PLB1: variants seen among roughly 807,000 people sequenced by gnomAD.
PLB1 encodes phospholipase B1, membrane-associated.
In PLB1, 242 loss-of-function variants were observed where a neutral mutation model predicts 227.4. That is an observed-to-expected ratio of 1.06 (90% confidence interval 0.96 to 1.18). The LOEUF (loss-of-function observed/expected upper bound fraction) is 1.18, where lower values mean the gene tolerates loss of function less well. Ranked by LOEUF, PLB1 falls within the 50% of genes most tolerant of loss-of-function variation. The pLI, the probability that PLB1 is intolerant of heterozygous loss-of-function variation, is 0.00. For synonymous variants in PLB1, 757 were observed against 682.2 expected (o/e 1.11, Z -1.71); for missense variants, 1,858 against 1,816.3 (o/e 1.02, Z -0.42).
Position 28,505,618 on chromosome 2 carries a change from G to A in PLB1, c.55+9449G>A, listed in dbSNP as rs201329430. 2.0e-5 allele frequency among the ~76,000 whole-genome samples: 3 copies of A among 152,238 alleles called. No homozygotes were observed. In the East Asian group the frequency reaches 5.8e-4, roughly 29 times the overall value. Reference sequence around the variant, plus strand: ...TGGGTGAACTCATTGAGTGAGAAAAGGATACCTTTTCATTACTAAAACAAG... The same window carrying A: ...TGGGTGAACTCATTGAGTGAGAAAAAGATACCTTTTCATTACTAAAACAAG... On this transcript the variant is annotated intron_variant, in intron 1 of 57. Transcript: ENST00000327757.
At chr2:28,639,713 G>A (rs2148352640) in intron 56 of PLB1, among the ~76,000 whole-genome samples, 1 of 152,338 alleles carries the variant, frequency 6.6e-6, no homozygotes, top group South Asian at 2.1e-4. Flanking sequence ...CAGCCGCGCT[G>A]ACCTTTAGCA....
chr2:28,601,188 C>G, intron 36 of PLB1, 64 bp from the exon 37 acceptor site: 1 of 1,372,958 alleles, frequency 7.3e-7, no homozygotes. Flanking sequence ...AATGGATTTC[C>G]TAGGGCAGGG....
chr2:28,564,742 G>C (rs571069636), intron 18 of PLB1, among the ~76,000 whole-genome samples: 14 of 152,298 alleles, frequency 9.2e-5, no homozygotes, highest in African/African-American at 3.4e-4. Flanking sequence ...GTCTCAGCAT[G>C]CCCTTCAAAA....
At position 28,589,760 on chromosome 2, in the gene PLB1, G is replaced by A. The variant is rs1378431554; in HGVS notation, c.2006G>A (p.Trp669Ter). ...KSHSRAASAL[W>*]NNMLEPVGQK... ...CACTCCCGAGCAGCCAGTGCTCTCT[G>A]GAACAATATGGTAAGTGGCTGCGGT... The change falls in exon 28 of 58, where the codon TGG becomes TAG. Residue 669 changes from tryptophan to a stop codon, truncating the protein, a stop_gained. Transcript: ENST00000327757. LOFTEE classifies it high-confidence loss of function. 2 of 1,613,220 alleles carry A rather than the reference G, an allele frequency of 1.2e-6. No individual in the cohort carries two copies. The highest frequency in any genetic ancestry group is 1.7e-6 in the Non-Finnish European group (2 of 1,179,534).
chr2:28,626,054 G>A (rs951895852), intron 50 of PLB1, among the ~76,000 whole-genome samples: 1 of 151,086 alleles, frequency 6.6e-6, no homozygotes, highest in African/African-American at 2.4e-5. Context: ...GGAGTGCAGT[G>A]GTGCGATCTC....
rs1690194601 is a variant in PLB1 at position 28,643,588 on chromosome 2, AT to A, written c.*528del. The A allele has an allele frequency of 1.3e-5, 2 of 152,432 alleles. No homozygotes were observed. The highest frequency in any genetic ancestry group is 4.8e-5 in the African/African-American group (2 of 41,478). 9.4% of individuals were successfully genotyped at this position (152,432 alleles called of 1,614,324 possible). A position where few individuals can be genotyped will look rare whatever the true frequency, so the allele number is the denominator to read the frequency against. On this transcript the variant is annotated 3_prime_UTR_variant, in exon 58 of 58. Transcript: ENST00000327757. ...CACTGAGGTGCCTCCTAGGCTGTGCATGTCGCAGCCTGGCAGAGAGGTCAAA... is the reference window on the plus strand; with the variant it reads ...CACTGAGGTGCCTCCTAGGCTGTGCAGTCGCAGCCTGGCAGAGAGGTCAAA...
At position 28,548,687 on chromosome 2, in the gene PLB1, TGCCCCA is replaced by T. The variant is rs145085092; in HGVS notation, c.937-165_937-160del. ...GAGAGCTGCTTACAACACAGACTGC[TGCCCCA>T]GCCCCAGAGTCTCAGACTCAGTAGT... On this transcript the variant is annotated intron_variant, in intron 14 of 57. Transcript: ENST00000327757. 5,003 of 669,544 alleles carry T rather than the reference TGCCCCA, an allele frequency of 7.5e-3. 195 individuals carry two copies. In the African/African-American group the frequency reaches 0.079, roughly 11 times the overall value. 41.5% of individuals were successfully genotyped at this position (669,544 alleles called of 1,614,324 possible).
At chr2:28,557,134 C>T (rs1026238735) in intron 17 of PLB1, among the ~76,000 whole-genome samples, 1 of 152,166 alleles carries the variant, frequency 6.6e-6, no homozygotes. Flanking sequence ...CTGGACACAA[C>T]CAGGCTACTG....
At chr2:28,597,920 G>A in intron 33 of PLB1, 85 bp from the exon 34 acceptor site, 2 of 1,311,324 alleles carry the variant, frequency 1.5e-6, no homozygotes, top group Non-Finnish European at 1.1e-6. Context: ...TAAGAAGGGT[G>A]GGGGCTGCTC....
intron 22 of PLB1, among the ~76,000 whole-genome samples, chr2:28,579,078 T>C (rs1244777644): frequency 6.6e-6 from 1 of 152,158 alleles, no homozygotes; most frequent in Non-Finnish European, 1.5e-5. Flanking sequence ...GGCAAAATCT[T>C]TTCAGAGCTT....
At chr2:28,563,551 C>T (rs1315860395) in intron 18 of PLB1, among the ~76,000 whole-genome samples, 2 of 139,200 alleles carry the variant, frequency 1.4e-5, no homozygotes, top group Non-Finnish European at 3.0e-5. Flanking sequence ...TGAGACAGGG[C>T]AAGTGCTAAT....
At chr2:28,601,525 C>T (rs146700792) in intron 37 of PLB1, among the ~76,000 whole-genome samples, 193 bp downstream of exon 37, 53 of 151,966 alleles carry the variant, frequency 3.5e-4, no homozygotes, top group African/African-American at 1.3e-3. Context: ...CCCTCCAGGT[C>T]CTTGGCACCA....
intron 56 of PLB1, among the ~76,000 whole-genome samples, chr2:28,638,949 G>C (rs1029976205): frequency 6.6e-6 from 1 of 151,626 alleles, no homozygotes; most frequent in African/African-American, 2.4e-5. Context: ...TGTAATCCCA[G>C]CTACTCAGGG....
intron 1 of PLB1, among the ~76,000 whole-genome samples, chr2:28,503,218 T>C (rs1356949820): frequency 6.6e-6 from 1 of 152,132 alleles, no homozygotes; most frequent in African/African-American, 2.4e-5. Context: ...AGTGGCCTGA[T>C]CACAGCTCAC....
At chr2:28,595,004 A>G (rs1266922544) in intron 33 of PLB1, 1 of 152,130 alleles carries the variant, frequency 6.6e-6, no homozygotes, top group Non-Finnish European at 1.5e-5. Context: ...AAAATCAAGC[A>G]GACGAACCAC....
intron 21 of PLB1, among the ~76,000 whole-genome samples, chr2:28,575,304 A>G (rs1237913989): frequency 6.6e-6 from 1 of 152,086 alleles, no homozygotes; most frequent in Non-Finnish European, 1.5e-5. Context: ...GGCTGGTTGT[A>G]TATCTTCTTT....
chr2:28,577,993 GC>G, intron 21 of PLB1, 113 bp from the exon 22 acceptor site: 2 of 995,696 alleles, frequency 2.0e-6, no homozygotes, highest in Non-Finnish European at 3.1e-6. Flanking sequence ...CCATTTTCCT[GC>G]AGGAGGCCCA....
At chr2:28,611,109 AGAAGG>A (rs1685395460) in intron 43 of PLB1, among the ~76,000 whole-genome samples, 2 of 152,082 alleles carry the variant, frequency 1.3e-5, no homozygotes, top group African/African-American at 4.8e-5. Context: ...AAAAAAGAAA[AGAAGG>A]GGAGGGGGAG....
chr2:28,615,670 A>G (rs530489690), intron 44 of PLB1, among the ~76,000 whole-genome samples: 2 of 152,340 alleles, frequency 1.3e-5, no homozygotes, highest in Admixed American at 6.5e-5. Flanking sequence ...TGTCAGCTGC[A>G]TCTTGTGAAT....
Sources: gnomAD v4.1 joint callset for allele counts (sites outside exome capture counted in the v4.1 genomes callset) on GRCh38, gnomAD v4.1.1 for gene constraint, MANE v1.5 for transcripts, NCBI Gene and HGNC (gene_info 2026-07-23, HGNC 2026-07-21) for gene names.